LZTFL1: variants seen among roughly 807,000 people sequenced by gnomAD.
LZTFL1 encodes leucine zipper transcription factor-like protein 1.
LZTFL1 carries 25 observed loss-of-function variants against 45.9 expected under a neutral mutation model. The observed-to-expected ratio is 0.54, with a 90% CI of 0.40 to 0.76. LZTFL1 has a LOEUF of 0.76. LZTFL1 is among the 30% of genes least tolerant of loss of function. The probability of loss-of-function intolerance (pLI) is 0.00; values close to 1 mark genes in which losing one functional copy is unlikely to be tolerated. For missense variants in LZTFL1, 277 were observed against 331.1 expected (o/e 0.84, Z 1.27); for synonymous variants, 93 against 117.4 (o/e 0.79, Z 1.35).
Position 45,901,544 on chromosome 3 carries a change from C to T in LZTFL1, c.-215+11576G>A. ...CCAAGAAGTCTTCCAAGCACAAAGCCCTAAAAGTGACCATCACTGTCCTGA... is the reference window on the plus strand; with the variant it reads ...CCAAGAAGTCTTCCAAGCACAAAGCTCTAAAAGTGACCATCACTGTCCTGA... On this transcript the variant is annotated intron_variant, in intron 2 of 4. Transcript: ENST00000472635. The surrounding 1 kb of genome is among the most constrained non-coding windows in gnomAD (Gnocchi z 4.3). 6.2e-7 allele frequency: 1 copy of T among 1,614,174 alleles called. No individual in the cohort carries two copies. Among genetic ancestry groups the T allele is most frequent in the Non-Finnish European group, 8.5e-7 (1 of 1,180,032 alleles).
rs1029605188 is a variant in LZTFL1 at position 45,840,573 on chromosome 3, T to C, written c.3+1416A>G. On this transcript the variant is annotated intron_variant, in intron 1 of 9. Transcript: ENST00000296135. ...TTAGAAACAATGGGAGGTATCCAAG[T>C]GGGGAAGTCAGAATTTGTTTGAATT... Among the ~76,000 whole-genome samples the C allele has an allele frequency of 7.9e-5, 12 of 152,146 alleles. 1 individual carries two copies. The highest frequency in any genetic ancestry group is 2.9e-4 in the African/African-American group (12 of 41,426).
chr3:45,870,598 A>G (rs1463897608), intron 2 of LZTFL1, among the ~76,000 whole-genome samples: 2 of 152,388 alleles, frequency 1.3e-5, no homozygotes, highest in South Asian at 2.1e-4. Context: ...AAGTAATTGT[A>G]TATTTGTACA....
chr3:45,838,287 C>T (rs779074690), intron 1 of LZTFL1, among the ~76,000 whole-genome samples: 7 of 152,140 alleles, frequency 4.6e-5, no homozygotes, highest in Admixed American at 6.5e-5. Context: ...TTCCAAAGAC[C>T]TGGTCTTAAG....
At chr3:45,857,919 T>A (rs1018457662) in intron 3 of LZTFL1, among the ~76,000 whole-genome samples, 2 of 152,230 alleles carry the variant, frequency 1.3e-5, no homozygotes, top group Admixed American at 1.3e-4. Flanking sequence ...TTGTTTTTGG[T>A]TTTCATTTCT....
chr3:45,896,845 A>C (rs1398193451), intron 2 of LZTFL1, among the ~76,000 whole-genome samples: 2 of 152,194 alleles, frequency 1.3e-5, no homozygotes, highest in Non-Finnish European at 2.9e-5. Context: ...GGCACAATGG[A>C]AGCCTTGGCA....
At chr3:45,836,965 C>G (rs1330516878) in intron 2 of LZTFL1, among the ~76,000 whole-genome samples, 1 of 152,180 alleles carries the variant, frequency 6.6e-6, no homozygotes, top group Non-Finnish European at 1.5e-5. Flanking sequence ...CCTCCAAAGT[C>G]CCTTCTCCCT....
intron 4 of LZTFL1, among the ~76,000 whole-genome samples, chr3:45,851,467 C>T (rs1701308978): frequency 6.6e-6 from 1 of 151,694 alleles, no homozygotes; most frequent in African/African-American, 2.4e-5. Flanking sequence ...CCTCATGATC[C>T]GCCCGCCTCG....
chr3:45,909,203 C>T (rs917502563), intron 2 of LZTFL1, among the ~76,000 whole-genome samples: 20 of 152,162 alleles, frequency 1.3e-4, no homozygotes, highest in Non-Finnish European at 1.5e-5. Context: ...TCTCATTATA[C>T]ATTACAATGT....
chr3:45,866,228 C>A (rs528458623), intron 2 of LZTFL1, among the ~76,000 whole-genome samples: 1 of 152,026 alleles, frequency 6.6e-6, no homozygotes, highest in Non-Finnish European at 1.5e-5. Flanking sequence ...ATGATTGATC[C>A]GGTGTGTACT....
chr3:45,862,288 G>A (rs145879106), intron 2 of LZTFL1, among the ~76,000 whole-genome samples: 500 of 152,304 alleles, frequency 3.3e-3, no homozygotes, highest in Middle Eastern at 0.014. Flanking sequence ...AGGAACAGGC[G>A]GACCAGGCTG....
chr3:45,857,777 T>C (rs1233182430), intron 3 of LZTFL1, among the ~76,000 whole-genome samples: 1 of 152,164 alleles, frequency 6.6e-6, no homozygotes, highest in Non-Finnish European at 1.5e-5. Context: ...GGTACAGAGA[T>C]TTCTCATAAA....
rs1575292875 is a variant in LZTFL1 at position 45,889,651 on chromosome 3, G to A, written c.-215+23469C>T. ...TCAGTCTCCTTCCAGAAAATGTTTC[G>A]GTGCTGGTGAGCAGTGCAGTGTATG... On this transcript the variant is annotated intron_variant, in intron 2 of 4. Coordinates refer to the LZTFL1 transcript ENST00000472635. Among the ~76,000 whole-genome samples, 3 of 151,694 alleles carry A rather than the reference G, an allele frequency of 2.0e-5. 1 individual carries two copies.
At position 45,900,672 on chromosome 3, in the gene LZTFL1, TC is replaced by T; in HGVS notation, c.-215+12447del. ...AAATATGTCACAACCCAAGCAGATG[TC>T]CTCAGAATGCCTATGTGTCTTTGGC... On this transcript the variant is annotated intron_variant, in intron 2 of 4. Transcript: ENST00000472635. This position sits in a 1 kb window ranked among gnomAD's most constrained non-coding sequence, Gnocchi z 4.7. 2 of 763,716 alleles carry T rather than the reference TC, an allele frequency of 2.6e-6. No homozygotes were observed. The highest frequency in any genetic ancestry group is 4.3e-6 in the Non-Finnish European group (2 of 464,930). 47.3% of individuals were successfully genotyped at this position (763,716 alleles called of 1,614,324 possible).
chr3:45,914,780 G>A (rs912793158), intron 1 of LZTFL1, among the ~76,000 whole-genome samples: 1 of 152,152 alleles, frequency 6.6e-6, no homozygotes, highest in Non-Finnish European at 1.5e-5. Flanking sequence ...GCCTGATCCA[G>A]GACCAGTTCT....
At chr3:45,855,653 C>T (rs1701380515) in intron 3 of LZTFL1, among the ~76,000 whole-genome samples, 1 of 152,116 alleles carries the variant, frequency 6.6e-6, no homozygotes, top group South Asian at 2.1e-4. Flanking sequence ...ATCTAGAAAA[C>T]CCCACAGTCT....
chr3:45,897,588 C>T (rs1702398089), intron 2 of LZTFL1: 2 of 1,535,770 alleles, frequency 1.3e-6, no homozygotes, highest in Non-Finnish European at 1.7e-6. Flanking sequence ...TCCAGATCAC[C>T]TTCCCTCGCT....
intron 2 of LZTFL1, among the ~76,000 whole-genome samples, chr3:45,887,165 G>A (rs1416531237): frequency 6.6e-6 from 1 of 152,136 alleles, no homozygotes; most frequent in Non-Finnish European, 1.5e-5. Context: ...GGCATGGAAG[G>A]TGATCCATGA....
upstream of LZTFL1, among the ~76,000 whole-genome samples, chr3:45,846,373 T>A (rs1575266729): frequency 1.3e-5 from 2 of 152,364 alleles, no homozygotes; most frequent in Middle Eastern, 6.8e-3. Flanking sequence ...AAACAATTAC[T>A]AATTTATATT....
intron 2 of LZTFL1, among the ~76,000 whole-genome samples, chr3:45,912,894 G>T (rs1219293062): frequency 6.6e-6 from 1 of 152,156 alleles, no homozygotes; most frequent in Admixed American, 6.5e-5. Context: ...AATGCAGCTT[G>T]GTCTGACAAC....
Sources: allele counts gnomAD v4.1 joint callset (sites outside exome capture counted in the v4.1 genomes callset), GRCh38; gene constraint gnomAD v4.1.1; non-coding constraint Gnocchi (gnomAD v3.1); transcripts MANE v1.5; gene names NCBI Gene and HGNC (gene_info 2026-07-23, HGNC 2026-07-21).